The following SWAP70 variants were observed in gnomAD, a reference collection of about 807,000 sequenced individuals.
The protein encoded by SWAP70 is switching B cell complex subunit SWAP70, also known as switch-associated protein 70.
A neutral mutation model predicts 80.2 loss-of-function variants in SWAP70; 34 were observed. That is an observed-to-expected ratio of 0.42 (90% CI 0.32 to 0.56). The LOEUF (loss-of-function observed/expected upper bound fraction) is 0.56. SWAP70 is among the 20% of genes least tolerant of loss of function. The pLI, the probability that SWAP70 is intolerant of heterozygous loss-of-function variation, is 0.09. For synonymous variants in SWAP70, 239 were observed against 238.5 expected (o/e 1.00, Z -0.02); for missense variants, 578 against 690.7 (o/e 0.84, Z 1.83).
At chr11:9,713,130 A>G (rs555834465) in intron 2 of SWAP70, among the ~76,000 whole-genome samples, 1 of 152,294 alleles carries the variant, frequency 6.6e-6, no homozygotes, top group South Asian at 2.1e-4. Context: ...TGCACATGAA[A>G]CTGTAACTAT....
intron 1 of SWAP70, among the ~76,000 whole-genome samples, chr11:9,680,498 C>G (rs967618276): frequency 6.6e-6 from 1 of 152,124 alleles, no homozygotes; most frequent in South Asian, 2.1e-4. Flanking sequence ...TCACTGCAAC[C>G]TCCGCCTCCT....
rs1391459966 is a variant in SWAP70, at chr11:9,664,206, C to T, written c.27C>T (p.Leu9=). MGSLKEEL[L]KAIWHAFTAL... Reference sequence around the variant, plus strand: ...TGGGGAGCTTGAAGGAGGAGCTGCTCAAAGCCATCTGGCACGCCTTCACCG... The same window carrying T: ...TGGGGAGCTTGAAGGAGGAGCTGCTTAAAGCCATCTGGCACGCCTTCACCG... Residue 9 remains leucine (L), a synonymous_variant, in exon 1 of 12, where the codon CTC becomes CTT. Transcript: ENST00000318950. The T allele has an allele frequency of 1.3e-6, 2 of 1,590,680 alleles. No individual in the cohort carries two copies. Among genetic ancestry groups the T allele is most frequent in the Non-Finnish European group, 1.7e-6 (2 of 1,169,460 alleles).
chr11:9,696,940 G>C (rs1850765767), intron 2 of SWAP70, among the ~76,000 whole-genome samples: 1 of 152,006 alleles, frequency 6.6e-6, no homozygotes, highest in African/African-American at 2.4e-5. Context: ...AGCTGGGCAT[G>C]GTGGCTTATA....
intron 9 of SWAP70, among the ~76,000 whole-genome samples, chr11:9,747,043 T>C (rs796550487): frequency 2.6e-5 from 4 of 152,366 alleles, no homozygotes; most frequent in African/African-American, 9.6e-5. Context: ...TATCCTGTCC[T>C]TGGCTGGCAT....
At position 9,664,158 on chromosome 11, in the gene SWAP70, G is replaced by T; in HGVS notation, c.-22G>T. 6.4e-7 allele frequency: 1 copy of T among 1,552,974 alleles called. No individual in the cohort carries two copies. Among genetic ancestry groups the T allele is most frequent in the Non-Finnish European group, 8.7e-7 (1 of 1,151,526 alleles). On this transcript the variant is annotated 5_prime_UTR_variant, in exon 1 of 12. Coordinates refer to ENST00000318950, the MANE Select transcript of SWAP70 (RefSeq NM_015055.4). Reference sequence around the variant, plus strand: ...GGGGCTGGCTGGGCAGGAGGGGTTGGCGGGGCAGCAGGGCCGCGGCCATGG... The same window carrying T: ...GGGGCTGGCTGGGCAGGAGGGGTTGTCGGGGCAGCAGGGCCGCGGCCATGG...
At chr11:9,687,686 A>G (rs1444615816) in intron 1 of SWAP70, among the ~76,000 whole-genome samples, 1 of 152,192 alleles carries the variant, frequency 6.6e-6, no homozygotes, top group East Asian at 1.9e-4. Flanking sequence ...ATTCCAACAG[A>G]TGACTTTGAG....
intron 1 of SWAP70, 135 bp downstream of exon 1, chr11:9,664,413 G>A (rs1590001638): frequency 2.1e-6 from 2 of 933,442 alleles, no homozygotes; most frequent in South Asian, 3.4e-5. Context: ...GGCCCGCTTG[G>A]GGCGGAGTGG....
chr11:9,710,038 C>T (rs1413637984), intron 2 of SWAP70, among the ~76,000 whole-genome samples: 2 of 151,718 alleles, frequency 1.3e-5, no homozygotes, highest in Non-Finnish European at 2.9e-5. Flanking sequence ...TCCTCATTGT[C>T]TTCTTGTTGA....
At chr11:9,687,156 TA>T (rs1850643369) in intron 1 of SWAP70, among the ~76,000 whole-genome samples, 1 of 152,206 alleles carries the variant, frequency 6.6e-6, no homozygotes, top group Non-Finnish European at 1.5e-5. Context: ...CGTGTAGAAA[TA>T]AGGAACCCAT....
chr11:9,698,444 C>T (rs1850789679), intron 2 of SWAP70, among the ~76,000 whole-genome samples: 1 of 151,830 alleles, frequency 6.6e-6, no homozygotes, highest in South Asian at 2.1e-4. Flanking sequence ...GTCCCCCAGG[C>T]TGCAGTGTGG....
chr11:9,682,142 G>T (rs1056397023), intron 1 of SWAP70, among the ~76,000 whole-genome samples: 1 of 152,134 alleles, frequency 6.6e-6, no homozygotes, highest in South Asian at 2.1e-4. Flanking sequence ...TCTTTGACAG[G>T]ACCTGAGAGG....
chr11:9,744,565 C>T (rs919335798), intron 9 of SWAP70, among the ~76,000 whole-genome samples: 1 of 152,118 alleles, frequency 6.6e-6, no homozygotes, highest in Non-Finnish European at 1.5e-5. Flanking sequence ...GTGATCTAGC[C>T]ACTTCTGAAT....
intron 3 of SWAP70, among the ~76,000 whole-genome samples, chr11:9,721,049 C>G (rs1291437647): frequency 6.6e-6 from 1 of 152,224 alleles, no homozygotes; most frequent in Non-Finnish European, 1.5e-5. Flanking sequence ...CTCCTGGCTT[C>G]AGGTGATCTG....
intron 9 of SWAP70, among the ~76,000 whole-genome samples, chr11:9,747,604 C>T (rs1851528362): frequency 6.6e-6 from 1 of 152,242 alleles, no homozygotes; most frequent in Non-Finnish European, 1.5e-5. Context: ...GTTCCTGGCA[C>T]ACATTAAACT....
intron 1 of SWAP70, among the ~76,000 whole-genome samples, chr11:9,668,739 A>T (rs1020057785): frequency 1.3e-5 from 2 of 152,210 alleles, no homozygotes; most frequent in African/African-American, 4.8e-5. Flanking sequence ...TGTATCCAAA[A>T]TGATGGTTAA....
At chr11:9,712,524 T>C (rs1261798343) in intron 2 of SWAP70, among the ~76,000 whole-genome samples, 1 of 148,814 alleles carries the variant, frequency 6.7e-6, no homozygotes, top group Admixed American at 6.7e-5. Flanking sequence ...CAAGACCTCA[T>C]CTCTATTTAT....
At chr11:9,725,813 A>C (rs894129422) in intron 4 of SWAP70, among the ~76,000 whole-genome samples, 1 of 151,860 alleles carries the variant, frequency 6.6e-6, no homozygotes, top group Non-Finnish European at 1.5e-5. Context: ...CTTGTGATCC[A>C]CCAGCCTTGG....
chr11:9,749,780 A>G, intron 11 of SWAP70, 84 bp from the exon 12 acceptor site: 2 of 802,242 alleles, frequency 2.5e-6, no homozygotes, highest in Non-Finnish European at 4.2e-6. Context: ...AAAGTAGGGA[A>G]GTTACTATTT....
At chr11:9,714,133 C>G (rs1226856824) in intron 3 of SWAP70, among the ~76,000 whole-genome samples, 1 of 151,612 alleles carries the variant, frequency 6.6e-6, no homozygotes, top group East Asian at 1.9e-4. Flanking sequence ...CCTAAACTTC[C>G]AAAGGAAAAA....
Sources: gnomAD v4.1 joint callset for allele counts (sites outside exome capture counted in the v4.1 genomes callset) on GRCh38, gnomAD v4.1.1 for gene constraint, MANE v1.5 for transcripts, NCBI Gene and HGNC (gene_info 2026-07-23, HGNC 2026-07-21) for gene names.